FOXP1: variants seen among roughly 807,000 people sequenced by gnomAD.
FOXP1 encodes the protein forkhead box P1.
FOXP1 carries 15 observed loss-of-function variants against 98.2 expected under a neutral mutation model. The ratio of observed to expected loss-of-function variants is 0.15; its 90% CI spans 0.10 to 0.24. The LOEUF is 0.24. Ranked by LOEUF, FOXP1 falls within the 10% of genes least tolerant of loss-of-function variation. FOXP1 has a pLI of 1.00. For synonymous variants in FOXP1, 371 were observed against 314.5 expected, an observed-to-expected ratio of 1.18 and a Z score of -1.90; for missense variants, 633 against 848.5, an observed-to-expected ratio of 0.75 and a Z score of 3.15.
rs984625318 is a variant in FOXP1, at chr3:71,277,156, C to T, written c.-12+22664G>A. ...TGTATTTTTAGTAGAGATGGGGTTT[C>T]ACCATGTTAGCCAGGATCATCTCGA... On this transcript the variant is annotated intron_variant, in intron 5 of 20. Coordinates refer to ENST00000649528, the MANE Select transcript of FOXP1 (RefSeq NM_001349338.3). Among the ~76,000 whole-genome samples, 8 of 151,818 alleles carry T rather than the reference C, an allele frequency of 5.3e-5. No homozygotes were observed. In the East Asian group the frequency reaches 1.2e-3, roughly 22 times the overall value.
At chr3:71,571,260 T>C (rs1269952575) in intron 2 of FOXP1, 5 of 152,204 alleles carry the variant, frequency 3.3e-5, no homozygotes, top group African/African-American at 1.2e-4. Flanking sequence ...AAACCATTAC[T>C]AAGTATGATC....
intron 1 of FOXP1, 63 bp from the exon 2 acceptor site, chr3:71,581,760 C>T (rs2107896792): frequency 1.0e-6 from 1 of 985,782 alleles, no homozygotes; most frequent in Non-Finnish European, 1.2e-6. Context: ...CTGGGGGGAA[C>T]TGAAGGGGAC....
chr3:71,240,820 CA>C (rs946859267), intron 5 of FOXP1, among the ~76,000 whole-genome samples: 54 of 151,334 alleles, frequency 3.6e-4, no homozygotes, highest in African/African-American at 1.3e-3. Context: ...ACTGGGATTA[CA>C]GGCGTGAGCC....
intron 7 of FOXP1, among the ~76,000 whole-genome samples, chr3:71,099,843 G>A (rs1314687168): frequency 1.3e-5 from 2 of 152,170 alleles, no homozygotes; most frequent in Non-Finnish European, 2.9e-5. Context: ...TTGTGTGGCA[G>A]TCCAGTGTAA....
At chr3:71,456,658 C>T (rs1019797881) in intron 3 of FOXP1, among the ~76,000 whole-genome samples, 4 of 152,084 alleles carry the variant, frequency 2.6e-5, no homozygotes, top group African/African-American at 9.7e-5. Flanking sequence ...AGAGCAGTTC[C>T]TACTCCACAG....
At chr3:71,467,024 GA>G (rs992206107) in intron 3 of FOXP1, among the ~76,000 whole-genome samples, 1 of 152,100 alleles carries the variant, frequency 6.6e-6, no homozygotes, top group Non-Finnish European at 1.5e-5. Context: ...AAAACAAAAA[GA>G]AAAAAATGCT....
chr3:71,257,069 C>T (rs1352415836), intron 5 of FOXP1, among the ~76,000 whole-genome samples: 1 of 152,162 alleles, frequency 6.6e-6, no homozygotes, highest in Non-Finnish European at 1.5e-5. Flanking sequence ...TGGGAAGGCC[C>T]ATGCTTGATG....
intron 3 of FOXP1, among the ~76,000 whole-genome samples, chr3:71,478,506 AAAG>A (rs2090027149): frequency 6.6e-6 from 1 of 152,234 alleles, no homozygotes; most frequent in South Asian, 2.1e-4. Flanking sequence ...ATGCTTAAAA[AAAG>A]AAGAATGAGA....
intron 4 of FOXP1, among the ~76,000 whole-genome samples, chr3:71,343,504 A>G (rs2077133792): frequency 6.6e-6 from 1 of 151,678 alleles, no homozygotes; most frequent in Non-Finnish European, 1.5e-5. Flanking sequence ...CGGGGCGGGG[A>G]AGATAAGTTC....
At chr3:71,269,993 A>G (rs2070175744) in intron 5 of FOXP1, among the ~76,000 whole-genome samples, 1 of 152,230 alleles carries the variant, frequency 6.6e-6, no homozygotes, top group Non-Finnish European at 1.5e-5. Context: ...CAAAGCACCT[A>G]GCAAAGTCTG....
intron 2 of FOXP1, among the ~76,000 whole-genome samples, chr3:71,528,660 T>C (rs766528435): frequency 2.6e-5 from 4 of 152,122 alleles, no homozygotes; most frequent in Non-Finnish European, 5.9e-5. Flanking sequence ...AACACTTGAC[T>C]TGGATAAACA....
chr3:71,191,659 G>T (rs955626149), intron 6 of FOXP1, among the ~76,000 whole-genome samples: 1 of 152,182 alleles, frequency 6.6e-6, no homozygotes, highest in Admixed American at 6.5e-5. Context: ...TTTGATGGAA[G>T]GCAGGTCTAA....
chr3:71,582,016 G>C, intron 1 of FOXP1: 1 of 977,950 alleles, frequency 1.0e-6, no homozygotes, highest in Non-Finnish European at 1.2e-6. Flanking sequence ...CGGGCGCAAG[G>C]TTTGGAGTTA....
At chr3:71,074,507 G>A (rs187718001) in intron 7 of FOXP1, among the ~76,000 whole-genome samples, 97 of 152,264 alleles carry the variant, frequency 6.4e-4, no homozygotes, top group African/African-American at 2.1e-3. Flanking sequence ...GATTACAGGC[G>A]TTGAGTCACT....
At chr3:71,423,319 G>C (rs547667633) in intron 3 of FOXP1, among the ~76,000 whole-genome samples, 1 of 152,302 alleles carries the variant, frequency 6.6e-6, no homozygotes, top group Admixed American at 6.5e-5. Context: ...TGCATCCAAA[G>C]TGAGAAGGCT....
intron 2 of FOXP1, among the ~76,000 whole-genome samples, chr3:71,509,780 T>C (rs975712957): frequency 1.3e-5 from 2 of 151,926 alleles, no homozygotes; most frequent in South Asian, 2.1e-4. Context: ...ACTCAGGAGG[T>C]TGAGGCAAGA....
intron 4 of FOXP1, among the ~76,000 whole-genome samples, chr3:71,343,364 G>A (rs922533047): frequency 2.6e-5 from 4 of 152,072 alleles, no homozygotes; most frequent in African/African-American, 9.7e-5. Context: ...TGACTCAGGT[G>A]CTACTGACGA....
At chr3:71,318,213 T>C (rs2075193065) in intron 4 of FOXP1, among the ~76,000 whole-genome samples, 1 of 145,898 alleles carries the variant, frequency 6.9e-6, no homozygotes, top group South Asian at 2.1e-4. Context: ...GGCATGAAAA[T>C]AGAGTTTCAG....
chr3:71,299,328 T>C (rs1284348905), intron 5 of FOXP1, among the ~76,000 whole-genome samples: 1 of 152,212 alleles, frequency 6.6e-6, no homozygotes, highest in Non-Finnish European at 1.5e-5. Context: ...CCCACACTGC[T>C]CAGCAGTTAC....
Sources: allele counts gnomAD v4.1 joint callset (sites outside exome capture counted in the v4.1 genomes callset), GRCh38; gene constraint gnomAD v4.1.1; transcripts MANE v1.5; gene names NCBI Gene and HGNC (gene_info 2026-07-23, HGNC 2026-07-21).